Variants in DLC1 observed in about 807,000 individuals in gnomAD.
The protein encoded by DLC1 is DLC1 Rho GTPase activating protein.
In DLC1, 54 loss-of-function variants were observed where a neutral mutation model predicts 140.3. The observed-to-expected ratio is 0.38, with a 90% CI of 0.31 to 0.48. The LOEUF (loss-of-function observed/expected upper bound fraction) is 0.48, where lower values mean the gene tolerates loss of function less well. Ranked by LOEUF, DLC1 falls within the 20% of genes least tolerant of loss-of-function variation. DLC1 has a pLI of 0.96. For missense variants in DLC1, 2,536 were observed against 1,907.0 expected (o/e 1.33, Z -6.14); for synonymous variants, 986 against 728.1 (o/e 1.35, Z -5.70).
Position 13,110,734 on chromosome 8 carries a change from C to T in DLC1, c.1502+8G>A, listed in dbSNP as rs1229728475. On this transcript the variant is annotated splice_region_variant and intron_variant, in intron 7 of 17. Transcript: ENST00000276297. ...AAAAAGGAAAACACTCAAAACGTGT[C>T]CATTTACCTGCATAGAGCCTCAATG... is the stretch of plus-strand genomic sequence containing the variant. 1 of 1,612,630 alleles carries T rather than the reference C, an allele frequency of 6.2e-7. No individual in the cohort carries two copies. The highest frequency in any genetic ancestry group is 8.5e-7 in the Non-Finnish European group (1 of 1,179,178).
At position 13,139,288 on chromosome 8, in the gene DLC1, CAAAAAAAAAAAAAA is replaced by C. The variant is rs67684524; in HGVS notation, c.1349-23645_1349-23632del. 3.0e-4 allele frequency among the ~76,000 whole-genome samples: 15 copies of C among 49,286 alleles called. No individual in the cohort carries two copies. The South Asian group carries it at 4.2e-3, about 14-fold the overall frequency. 32.3% of individuals were successfully genotyped at this position (49,286 alleles called of 152,430 possible). A position where few individuals can be genotyped will look rare whatever the true frequency, so the allele number is the denominator to read the frequency against. ...TGGGCCACAGAGTGAGACCCTGTCT[CAAAAAAAAAAAAAA>C]AAAAAAAAAAAAAAAAAGGAAAAGA... On this transcript the variant is annotated intron_variant, in intron 5 of 17. Transcript: ENST00000276297.
chr8:13,397,518 G>T (rs142445114), intron 3 of DLC1, among the ~76,000 whole-genome samples: 3 of 151,956 alleles, frequency 2.0e-5, no homozygotes, highest in East Asian at 3.9e-4. Flanking sequence ...AAATGATGGC[G>T]CAATAACCAA....
chr8:13,486,598 A>G (rs779133679), intron 2 of DLC1, among the ~76,000 whole-genome samples: 12 of 152,190 alleles, frequency 7.9e-5, no homozygotes, highest in African/African-American at 1.9e-4. Flanking sequence ...GGTCTTGTCA[A>G]TACCCACACA....
chr8:13,133,108 C>G (rs1360223794), intron 5 of DLC1: 1 of 1,480,158 alleles, frequency 6.8e-7, no homozygotes, highest in Non-Finnish European at 9.0e-7. Context: ...CGCATCCTTG[C>G]TCGCCGCTCC....
intron 5 of DLC1, among the ~76,000 whole-genome samples, chr8:13,141,044 C>T (rs773672814): frequency 2.1e-4 from 32 of 148,918 alleles, no homozygotes; most frequent in African/African-American, 6.2e-4. Context: ...CACGTGGGGT[C>T]GGGAGTTCGA....
At chr8:13,286,807 A>T (rs1831550364) in intron 5 of DLC1, among the ~76,000 whole-genome samples, 1 of 152,008 alleles carries the variant, frequency 6.6e-6, no homozygotes, top group African/African-American at 2.4e-5. Context: ...AAGACAAGTG[A>T]GGAGAAGAAG....
intron 6 of DLC1, among the ~76,000 whole-genome samples, chr8:13,112,211 G>A (rs190003199): frequency 6.6e-6 from 1 of 152,304 alleles, no homozygotes; most frequent in African/African-American, 2.4e-5. Context: ...ATGCCACACA[G>A]TGGAACAGAC....
intron 5 of DLC1, chr8:13,116,153 T>G (rs988037368): frequency 1.7e-5 from 17 of 986,346 alleles, no homozygotes; most frequent in Non-Finnish European, 6.0e-6. Flanking sequence ...GACCTTGTGT[T>G]GTTTCACTGT....
chr8:13,390,141 C>G (rs1192390497), intron 4 of DLC1, among the ~76,000 whole-genome samples: 3 of 152,082 alleles, frequency 2.0e-5, no homozygotes, highest in African/African-American at 7.2e-5. Context: ...ATCCATGGCC[C>G]AAGAATTACT....
chr8:13,598,593 G>T (rs562406153), intron 1 of DLC1, among the ~76,000 whole-genome samples: 99 of 152,118 alleles, frequency 6.5e-4, no homozygotes, highest in Non-Finnish European at 1.3e-3. Context: ...ACCATCCTTT[G>T]AAAGTTTTAT....
chr8:13,276,996 C>T (rs1468910450), intron 5 of DLC1: 1 of 152,286 alleles, frequency 6.6e-6, no homozygotes, highest in Non-Finnish European at 1.5e-5. Context: ...GGAAGGAGCA[C>T]TTTACAGATC....
chr8:13,449,676 G>A (rs1030638321), intron 2 of DLC1, among the ~76,000 whole-genome samples: 2 of 151,790 alleles, frequency 1.3e-5, no homozygotes, highest in South Asian at 4.2e-4. Context: ...GTTGTGGGGT[G>A]GGGGGATGGG....
chr8:13,493,993 TAAAG>T (rs1230461675), intron 2 of DLC1, among the ~76,000 whole-genome samples: 62 of 152,314 alleles, frequency 4.1e-4, no homozygotes, highest in African/African-American at 1.3e-3. Context: ...TCCAGAGATG[TAAAG>T]TACAGTATGT....
At chr8:13,369,129 G>A (rs1368638905) in intron 4 of DLC1, among the ~76,000 whole-genome samples, 2 of 152,048 alleles carry the variant, frequency 1.3e-5, no homozygotes, top group East Asian at 1.9e-4. Flanking sequence ...ATGATTACAC[G>A]GTTCACCTTA....
intron 5 of DLC1, among the ~76,000 whole-genome samples, chr8:13,214,951 T>C (rs1271419500): frequency 6.6e-6 from 1 of 152,170 alleles, no homozygotes; most frequent in Non-Finnish European, 1.5e-5. Flanking sequence ...ACAGTGCCCA[T>C]TTAACCACGT....
chr8:13,093,779 C>A (rs1358595574), intron 12 of DLC1, among the ~76,000 whole-genome samples: 1 of 152,216 alleles, frequency 6.6e-6, no homozygotes, highest in African/African-American at 2.4e-5. Context: ...ATAAAGTCCA[C>A]TGTGCCAATC....
intron 2 of DLC1, among the ~76,000 whole-genome samples, chr8:13,492,536 C>T (rs921433886): frequency 2.9e-4 from 22 of 76,062 alleles, no homozygotes; most frequent in African/African-American, 5.6e-4. Context: ...TCTCCCTCCA[C>T]CTCTCTCACT....
At chr8:13,288,727 C>G (rs372667146) in intron 5 of DLC1, among the ~76,000 whole-genome samples, 1 of 152,194 alleles carries the variant, frequency 6.6e-6, no homozygotes, top group South Asian at 2.1e-4. Flanking sequence ...ATCAACGTCA[C>G]TAGTTCCTGC....
chr8:13,085,945 G>A lies in DLC1; in HGVS notation c.4467-14C>T. 1 of 1,610,568 alleles carries A rather than the reference G, an allele frequency of 6.2e-7. No individual in the cohort carries two copies. The highest frequency in any genetic ancestry group is 1.1e-5 in the South Asian group (1 of 90,470). ...GGCATGTGGCCCCTATCAGAGAAAAGAAAGAAAAGCTGATGAATTATTTAA... is the reference window on the plus strand; with the variant it reads ...GGCATGTGGCCCCTATCAGAGAAAAAAAAGAAAAGCTGATGAATTATTTAA... On this transcript the variant is annotated splice_polypyrimidine_tract_variant and intron_variant, in intron 17 of 17. Transcript: ENST00000276297.
Sources: allele counts gnomAD v4.1 joint callset (sites outside exome capture counted in the v4.1 genomes callset), GRCh38; gene constraint gnomAD v4.1.1; transcripts MANE v1.5; gene names NCBI Gene and HGNC (gene_info 2026-07-23, HGNC 2026-07-21).